Variants in SEM1 observed in about 807,000 individuals in gnomAD.
SEM1 encodes the protein 26S proteasome complex subunit SEM1.
In SEM1, 3 loss-of-function variants were observed where a neutral mutation model predicts 12.7. That is an observed-to-expected ratio of 0.24 (90% CI 0.11 to 0.61). The LOEUF is 0.61. SEM1 is among the 20% of genes least tolerant of loss of function. SEM1 has a pLI of 0.88. For synonymous variants in SEM1, 30 were observed against 27.8 expected (o/e 1.08, Z -0.25); for missense variants, 59 against 81.3 (o/e 0.73, Z 1.06).
At chr7:96,608,613 A>G (rs550512995) in intron 2 of SEM1, among the ~76,000 whole-genome samples, 17 of 152,274 alleles carry the variant, frequency 1.1e-4, no homozygotes, top group Admixed American at 2.0e-4. Flanking sequence ...GCCCTAGGCA[A>G]CCACTAGTCT....
At chr7:96,593,133 A>ATG (rs1806885779) in intron 2 of SEM1, among the ~76,000 whole-genome samples, 1 of 152,058 alleles carries the variant, frequency 6.6e-6, no homozygotes, top group South Asian at 2.1e-4. Context: ...AGACCTTGGA[A>ATG]TGTGCATTTT....
intron 2 of SEM1, chr7:96,486,184 G>C (rs1333029438): frequency 6.8e-7 from 1 of 1,479,248 alleles, no homozygotes; most frequent in South Asian, 1.2e-5. Context: ...TTTTCCTCCT[G>C]TGGCTGTCAT....
At chr7:96,671,466 G>A (rs910387911), downstream of SEM1, among the ~76,000 whole-genome samples, 1 of 151,986 alleles carries the variant, frequency 6.6e-6, no homozygotes, top group Non-Finnish European at 1.5e-5. Context: ...CACCCATGAG[G>A]ACTTTAGAAT....
chr7:96,532,706 A>G (rs1804677016), intron 2 of SEM1, among the ~76,000 whole-genome samples: 1 of 152,100 alleles, frequency 6.6e-6, no homozygotes, highest in South Asian at 2.1e-4. Context: ...TTGTTTATAA[A>G]CCCACTGAAG....
At chr7:96,659,928 A>AC (rs1215537535) in intron 2 of SEM1, among the ~76,000 whole-genome samples, 2 of 151,112 alleles carry the variant, frequency 1.3e-5, no homozygotes, top group South Asian at 4.2e-4. Context: ...AAAAAAAAAA[A>AC]AACAAAAACA....
At chr7:96,528,669 C>G (rs1804544253) in intron 2 of SEM1, among the ~76,000 whole-genome samples, 1 of 152,092 alleles carries the variant, frequency 6.6e-6, no homozygotes, top group South Asian at 2.1e-4. Flanking sequence ...TAGGTGTGGT[C>G]CCTAGACTAG....
intron 2 of SEM1, among the ~76,000 whole-genome samples, chr7:96,563,904 C>T (rs772226549): frequency 6.6e-6 from 1 of 152,048 alleles, no homozygotes; most frequent in Non-Finnish European, 1.5e-5. Context: ...TTATAAGCTT[C>T]AGTTAGATTC....
At chr7:96,674,224 C>G (rs1789396101) in intron 2 of SEM1, among the ~76,000 whole-genome samples, 1 of 152,066 alleles carries the variant, frequency 6.6e-6, no homozygotes, top group Non-Finnish European at 1.5e-5. Context: ...TAAGATCCAC[C>G]ACAGATCTAT....
chr7:96,686,443 G>A (rs545401674), downstream of SEM1, among the ~76,000 whole-genome samples: 1 of 152,098 alleles, frequency 6.6e-6, no homozygotes, highest in Non-Finnish European at 1.5e-5. Flanking sequence ...ATCACATTAA[G>A]TGGCCATCAT....
At chr7:96,552,195 CT>C (rs34556753) in intron 2 of SEM1, among the ~76,000 whole-genome samples, 8 of 151,282 alleles carry the variant, frequency 5.3e-5, no homozygotes, top group Admixed American at 4.6e-4. Context: ...GAGTTTCTCT[CT>C]TTTTTTTATT....
intron 2 of SEM1, among the ~76,000 whole-genome samples, chr7:96,525,387 C>G (rs745755897): frequency 6.6e-6 from 1 of 151,874 alleles, no homozygotes; most frequent in African/African-American, 2.4e-5. Context: ...GAGGCATTTG[C>G]GAGTGCACGT....
chr7:96,663,112 T>C (rs1452153224), intron 2 of SEM1, among the ~76,000 whole-genome samples: 1 of 150,400 alleles, frequency 6.6e-6, no homozygotes, highest in African/African-American at 2.5e-5. Context: ...CCTAGTGCAA[T>C]AATATGACGC....
chr7:96,512,093 G>C (rs1161334166), intron 2 of SEM1, among the ~76,000 whole-genome samples: 1 of 152,010 alleles, frequency 6.6e-6, no homozygotes, highest in East Asian at 1.9e-4. Context: ...CACAGCTTTT[G>C]GACACTGTGC....
chr7:96,575,807 A>T (rs944608348), intron 2 of SEM1, among the ~76,000 whole-genome samples: 1 of 152,232 alleles, frequency 6.6e-6, no homozygotes, highest in Non-Finnish European at 1.5e-5. Context: ...ATGAGAAAAA[A>T]ATATTTGCAA....
intron 2 of SEM1, among the ~76,000 whole-genome samples, chr7:96,652,374 T>C (rs781003290): frequency 1.3e-5 from 2 of 152,158 alleles, no homozygotes; most frequent in African/African-American, 2.4e-5. Context: ...CTATATATAT[T>C]GTACATATTT....
intron 1 of SEM1, among the ~76,000 whole-genome samples, chr7:96,701,286 A>G (rs1448586490): frequency 3.3e-5 from 5 of 151,034 alleles, no homozygotes; most frequent in Non-Finnish European, 7.4e-5. Flanking sequence ...CCTCATCCTC[A>G]ATATGATGGT....
intron 1 of SEM1, among the ~76,000 whole-genome samples, chr7:96,707,836 C>G (rs955812702): frequency 6.6e-6 from 1 of 152,168 alleles, no homozygotes; most frequent in Non-Finnish European, 1.5e-5. Flanking sequence ...CAACTAACTA[C>G]TCATTTTAAA....
At chr7:96,584,058 A>C (rs1305985893) in intron 2 of SEM1, among the ~76,000 whole-genome samples, 1 of 151,706 alleles carries the variant, frequency 6.6e-6, no homozygotes, top group Admixed American at 6.6e-5. Flanking sequence ...GTTTCTTCCT[A>C]GTCTCGATGG....
At position 96,549,041 on chromosome 7, in the gene SEM1, T is replaced by C. The variant is rs182840625; in HGVS notation, c.171-42343A>G. On this transcript the variant is annotated intron_variant and NMD_transcript_variant, in intron 2 of 3. Coordinates refer to the SEM1 transcript ENST00000466986. ...AGGGAAGAAGTGGCAGCTCTGAAAT[T>C]TTTTCCCCTGATATTTGGCAAGTGG... Among the ~76,000 whole-genome samples the C allele has an allele frequency of 2.5e-3, 378 of 152,196 alleles. 2 individuals carry two copies. The highest frequency in any genetic ancestry group is 6.8e-3 in the Middle Eastern group (2 of 294).
Sources: allele counts gnomAD v4.1 joint callset (sites outside exome capture counted in the v4.1 genomes callset), GRCh38; gene constraint gnomAD v4.1.1; transcripts MANE v1.5; gene names NCBI Gene and HGNC (gene_info 2026-07-23, HGNC 2026-07-21).